Variants in ZFP64 observed in about 807,000 individuals in gnomAD.
The protein encoded by ZFP64 is zinc finger protein 64.
Under a neutral mutation model 51.6 loss-of-function variants are expected in ZFP64, and 14 were observed. That is an observed-to-expected ratio of 0.27 (90% CI 0.18 to 0.42). ZFP64 has a LOEUF of 0.42. Ranked by LOEUF, ZFP64 falls within the 10% of genes least tolerant of loss-of-function variation. The pLI is 1.00. For synonymous variants in ZFP64, 375 were observed against 361.4 expected (o/e 1.04, Z -0.43); for missense variants, 754 against 906.8 (o/e 0.83, Z 2.16).
intron 7 of ZFP64, among the ~76,000 whole-genome samples, chr20:52,090,635 C>A (rs2078914047): frequency 6.6e-6 from 1 of 151,870 alleles, no homozygotes; most frequent in Non-Finnish European, 1.5e-5. Flanking sequence ...CCTGTCTCTA[C>A]TAAAAATACA....
chr20:52,086,634 C>A lies in ZFP64; in HGVS notation c.1229-1368G>T, dbSNP rs570136530. On this transcript the variant is annotated intron_variant, in intron 8 of 8. Transcript: ENST00000361387. ...CTGGGACTACAGGTGCCCGCCACCA[C>A]GCCCAGCTAATTTTTTTGTATTTTT... Among the ~76,000 whole-genome samples the A allele has an allele frequency of 1.1e-4, 16 of 152,128 alleles. No individual in the cohort carries two copies. The East Asian group carries it at 2.7e-3, about 26-fold the overall frequency.
At chr20:52,104,482 G>T (rs1207614169) in intron 5 of ZFP64, among the ~76,000 whole-genome samples, 1 of 152,148 alleles carries the variant, frequency 6.6e-6, no homozygotes, top group Non-Finnish European at 1.5e-5. Context: ...CTCCCACTTC[G>T]CTCAGATAAA....
intron 2 of ZFP64, among the ~76,000 whole-genome samples, chr20:52,171,546 A>G (rs1982728144): frequency 6.6e-6 from 1 of 151,788 alleles, no homozygotes; most frequent in African/African-American, 2.4e-5. Context: ...CTGGAGTGCA[A>G]CGGCGCCATC....
rs1980781677 is a variant in ZFP64 at position 52,151,341 on chromosome 20, A to T, written c.*805T>A. On this transcript the variant is annotated 3_prime_UTR_variant, in exon 6 of 6. Coordinates refer to ENST00000216923, the MANE Select transcript of ZFP64 (RefSeq NM_018197.3). ...CATTTTCTGCTCATTAGCACTAAACATTTTTTTTTGGGTCAAGTATCCATG... is the reference window on the plus strand; with the variant it reads ...CATTTTCTGCTCATTAGCACTAAACTTTTTTTTTTGGGTCAAGTATCCATG... 1.0e-6 allele frequency: 1 copy of T among 975,932 alleles called. No individual in the cohort carries two copies. Among genetic ancestry groups the T allele is most frequent in the African/African-American group, 1.8e-5 (1 of 56,916 alleles). The allele number at this position is 975,932 out of a possible 1,614,324, so 60.5% of individuals were successfully genotyped here.
At chr20:52,116,857 G>A (rs972538265) in intron 5 of ZFP64, among the ~76,000 whole-genome samples, 7 of 152,158 alleles carry the variant, frequency 4.6e-5, no homozygotes, top group Non-Finnish European at 1.0e-4. Flanking sequence ...ATCACCTGAG[G>A]TCAAGAGATC....
At chr20:52,181,202 A>G (rs1271738483) in intron 2 of ZFP64, among the ~76,000 whole-genome samples, 2 of 152,084 alleles carry the variant, frequency 1.3e-5, no homozygotes, top group African/African-American at 4.8e-5. Flanking sequence ...TCAGCCTCCC[A>G]AAGTGTTGGG....
intron 4 of ZFP64, among the ~76,000 whole-genome samples, chr20:52,163,089 G>A (rs1007482812): frequency 9.2e-5 from 14 of 152,112 alleles, no homozygotes; most frequent in African/African-American, 2.9e-4. Context: ...AGCCAGATGC[G>A]GTAGCCCACG....
At chr20:52,094,929 T>C (rs867251609) in intron 7 of ZFP64, among the ~76,000 whole-genome samples, 2 of 152,310 alleles carry the variant, frequency 1.3e-5, no homozygotes, top group South Asian at 4.1e-4. Flanking sequence ...CCTTGAGGCA[T>C]GCCCAAAGCA....
intron 2 of ZFP64, among the ~76,000 whole-genome samples, 174 bp from the exon 3 acceptor site, chr20:52,166,199 C>T (rs538454720): frequency 5.6e-5 from 8 of 142,366 alleles, no homozygotes; most frequent in East Asian, 2.4e-4. Context: ...AGAGAGCATC[C>T]GCTGGGAGAC....
intron 5 of ZFP64, among the ~76,000 whole-genome samples, chr20:52,109,780 C>CAA (rs779914417): frequency 0.046 from 1,963 of 42,470 alleles, 22 homozygotes; most frequent in African/African-American, 0.078. Context: ...AATTCCACCT[C>CAA]AAAAAAAAAA....
At chr20:52,184,975 T>C (rs1983857738) in intron 2 of ZFP64, among the ~76,000 whole-genome samples, 1 of 152,190 alleles carries the variant, frequency 6.6e-6, no homozygotes, top group South Asian at 2.1e-4. Context: ...CCACTTTCTC[T>C]ATAGTACATG....
rs371727803 is a variant in ZFP64, at chr20:52,103,512, G to A, written c.764-4925C>T. ...CCACAGAAGTCACCTCAGTACTCCAGGACGCACGACACCCTCCCCATGCCC... is the reference window on the plus strand; with the variant it reads ...CCACAGAAGTCACCTCAGTACTCCAAGACGCACGACACCCTCCCCATGCCC... On this transcript the variant is annotated intron_variant, in intron 5 of 8. Transcript: ENST00000361387. Among the ~76,000 whole-genome samples, 12 of 152,330 alleles carry A rather than the reference G, an allele frequency of 7.9e-5. 1 individual carries two copies. The East Asian group carries it at 1.4e-3, about 17-fold the overall frequency.
At chr20:52,109,299 G>T (rs1253668009) in intron 5 of ZFP64, among the ~76,000 whole-genome samples, 1 of 152,060 alleles carries the variant, frequency 6.6e-6, no homozygotes, top group South Asian at 2.1e-4. Context: ...GAGTAGCTAG[G>T]ACTACAGGCA....
At chr20:52,096,816 G>T (rs2078993600) in intron 7 of ZFP64, 2 of 253,676 alleles carry the variant, frequency 7.9e-6, no homozygotes, top group Non-Finnish European at 8.1e-6. Context: ...TTGAACCTGG[G>T]AGGCAGGGGT....
At chr20:52,132,747 C>T (rs1432239303) in intron 5 of ZFP64, among the ~76,000 whole-genome samples, 2 of 152,092 alleles carry the variant, frequency 1.3e-5, no homozygotes, top group African/African-American at 2.4e-5. Flanking sequence ...GCCTGGGACT[C>T]GATGGCTTCA....
intron 5 of ZFP64, chr20:52,110,764 TCC>T (rs1022975337): frequency 1.3e-6 from 2 of 1,596,702 alleles, no homozygotes; most frequent in African/African-American, 2.7e-5. Context: ...AAAGTCCCCC[TCC>T]CGGGAGAGGT....
At chr20:52,126,355 A>G (rs1350887423) in intron 5 of ZFP64, among the ~76,000 whole-genome samples, 1 of 152,190 alleles carries the variant, frequency 6.6e-6, no homozygotes, top group African/African-American at 2.4e-5. Flanking sequence ...ATTTCAACCC[A>G]GTTCTTTCTG....
intron 2 of ZFP64, among the ~76,000 whole-genome samples, chr20:52,182,121 G>A (rs1001830312): frequency 2.6e-5 from 4 of 152,144 alleles, no homozygotes; most frequent in African/African-American, 9.7e-5. Context: ...TCACAATAAC[G>A]CAATGATGAT....
At chr20:52,112,320 A>T (rs950798225) in intron 5 of ZFP64, among the ~76,000 whole-genome samples, 1 of 152,146 alleles carries the variant, frequency 6.6e-6, no homozygotes, top group Non-Finnish European at 1.5e-5. Flanking sequence ...ATGGAGTAAG[A>T]GTTATAGTTA....
Sources: allele counts gnomAD v4.1 joint callset (sites outside exome capture counted in the v4.1 genomes callset), GRCh38; gene constraint gnomAD v4.1.1; transcripts MANE v1.5; gene names NCBI Gene and HGNC (gene_info 2026-07-23, HGNC 2026-07-21).